PCDHA9: variants seen among roughly 807,000 people sequenced by gnomAD.
The protein encoded by PCDHA9 is protocadherin alpha 9, also known as protocadherin alpha-9.
PCDHA9 carries 62 observed loss-of-function variants against 62.0 expected under a neutral mutation model. The observed-to-expected ratio is 1.00, with a 90% CI of 0.81 to 1.23. PCDHA9 has a LOEUF of 1.23. PCDHA9 is among the 50% of genes most tolerant of loss of function. The pLI, the probability that PCDHA9 is intolerant of heterozygous loss-of-function variation, is 0.00. For missense variants in PCDHA9, 1,205 were observed against 1,249.8 expected, an observed-to-expected ratio of 0.96 and a Z score of 0.54; for synonymous variants, 557 against 567.6, an observed-to-expected ratio of 0.98 and a Z score of 0.27.
Position 140,967,394 on chromosome 5 carries a change from G to C in PCDHA9, c.2395-11555G>C, listed in dbSNP as rs1379450273. On this transcript the variant is annotated intron_variant, in intron 1 of 3. Coordinates refer to ENST00000532602, the MANE Select transcript of PCDHA9 (RefSeq NM_031857.2). ...GGAGAACAGTAAAGTGCTTGAGCTGGTGCTGCGTAAGGGCCTAGACCGGGA... is the reference window on the plus strand; with the variant it reads ...GGAGAACAGTAAAGTGCTTGAGCTGCTGCTGCGTAAGGGCCTAGACCGGGA... 4 of 1,609,940 alleles carry C rather than the reference G, an allele frequency of 2.5e-6. No homozygotes were observed. In the African/African-American group the frequency reaches 4.0e-5, roughly 16 times the overall value.
intron 3 of PCDHA9, among the ~76,000 whole-genome samples, chr5:141,002,612 C>G (rs1487847560): frequency 1.3e-5 from 2 of 152,178 alleles, no homozygotes; most frequent in Non-Finnish European, 2.9e-5. Context: ...AAAACAGACA[C>G]ATAACACAGA....
intron 1 of PCDHA9, chr5:140,853,229 A>G (rs2042677990): frequency 2.0e-6 from 2 of 981,308 alleles, no homozygotes; most frequent in Admixed American, 1.3e-4. Flanking sequence ...TTGGTAATTT[A>G]GTCCTTCATA....
intron 3 of PCDHA9, among the ~76,000 whole-genome samples, chr5:140,989,450 T>C (rs1299416259): frequency 6.6e-6 from 1 of 152,208 alleles, no homozygotes; most frequent in Admixed American, 6.5e-5. Context: ...TTGTTTAGAA[T>C]TGTTAGGCTT....
chr5:140,966,862 G>C lies in PCDHA9; in HGVS notation c.2395-12087G>C, dbSNP rs782810195. On this transcript the variant is annotated intron_variant, in intron 1 of 3. Transcript: ENST00000532602. ...TGCTACTGCCTCTCCTGCTGCTGTTGCTGCTGCTGCTACCTGGCCCTGCGG... is the reference window on the plus strand; with the variant it reads ...TGCTACTGCCTCTCCTGCTGCTGTTCCTGCTGCTGCTACCTGGCCCTGCGG... The C allele has an allele frequency of 1.2e-5, 18 of 1,562,198 alleles. No individual in the cohort carries two copies. Among genetic ancestry groups the C allele is most frequent in the Non-Finnish European group, 1.5e-5 (18 of 1,164,444 alleles).
intron 1 of PCDHA9, among the ~76,000 whole-genome samples, chr5:140,914,941 T>C (rs1554196635): frequency 6.9e-6 from 1 of 145,614 alleles, no homozygotes; most frequent in Non-Finnish European, 1.5e-5. Flanking sequence ...TGTGAAAAGT[T>C]GTCTTTTTTT....
intron 1 of PCDHA9, chr5:140,871,575 A>C (rs974047385): frequency 1.4e-6 from 2 of 1,477,482 alleles, no homozygotes; most frequent in Non-Finnish European, 1.8e-6. Flanking sequence ...GGATTTTTTA[A>C]GGGAAAGTTT....
intron 1 of PCDHA9, chr5:140,875,319 A>T: frequency 7.0e-7 from 1 of 1,428,968 alleles, no homozygotes; most frequent in South Asian, 1.6e-5. Context: ...CATTCCAATC[A>T]TTCACGGAAT....
intron 3 of PCDHA9, among the ~76,000 whole-genome samples, chr5:141,002,749 A>G (rs2098093412): frequency 1.3e-5 from 2 of 152,202 alleles, no homozygotes; most frequent in South Asian, 4.1e-4. Flanking sequence ...TACATCGACA[A>G]CCCTGTGATG....
In PCDHA9 at chr5:140,848,599, T is replaced by C. The variant is rs2150414040; in HGVS notation, c.104T>C (p.Val35Ala). The C allele has an allele frequency of 6.3e-7, 1 of 1,593,694 alleles. No homozygotes were observed. Among genetic ancestry groups the C allele is most frequent in the Non-Finnish European group, 8.6e-7 (1 of 1,164,042 alleles). ...GGGAGCGGCCAGCTCCACTACTCCG[T>C]CCCGGAGGAAGCCGAACACGGCACC... The part of the protein sequence containing the change: ...VVGSGQLHYS[V>A]PEEAEHGTFV... Residue 35 changes from valine (V) to alanine (A), a missense_variant, in exon 1 of 4, where the codon GTC becomes GCC. This residue lies in a region of PCDHA9 where 208 missense variants were observed against 213.2 expected (regional missense o/e 0.98). Coordinates refer to ENST00000532602, the MANE Select transcript of PCDHA9 (RefSeq NM_031857.2).
intron 1 of PCDHA9, chr5:140,926,987 G>T: frequency 6.2e-7 from 1 of 1,610,996 alleles, no homozygotes; most frequent in African/African-American, 1.3e-5. Context: ...GAGACGGAGC[G>T]GGGCGTAGCC....
intron 1 of PCDHA9, chr5:140,877,160 C>G: frequency 6.2e-7 from 1 of 1,613,814 alleles, no homozygotes; most frequent in Non-Finnish European, 8.5e-7. Flanking sequence ...GACAACGCGC[C>G]GGCACTGCTG....
intron 1 of PCDHA9, chr5:140,858,002 G>C (rs782820218): frequency 6.3e-7 from 1 of 1,596,914 alleles, no homozygotes; most frequent in Admixed American, 1.7e-5. Flanking sequence ...GCTGGTGAAG[G>C]ACCATGGCGA....
Position 140,911,260 on chromosome 5 carries a change from A to G in PCDHA9, c.2394+60371A>G, listed in dbSNP as rs1178961396. On this transcript the variant is annotated intron_variant, in intron 1 of 3. Transcript: ENST00000532602. ...AAAAAAAGTTTCATCAGAATTTATA[A>G]TCTCAGTGTCCCCAGCTTCATCAGG... is the stretch of plus-strand genomic sequence containing the variant. Among the ~76,000 whole-genome samples, 8 of 152,222 alleles carry G rather than the reference A, an allele frequency of 5.3e-5. 1 individual carries two copies. The highest frequency in any genetic ancestry group is 1.9e-4 in the African/African-American group (8 of 41,520).
chr5:140,927,412 G>A, intron 1 of PCDHA9: 1 of 1,614,122 alleles, frequency 6.2e-7, no homozygotes, highest in African/African-American at 1.3e-5. Context: ...CCTGGACATG[G>A]GATCGCGGGT....
At chr5:140,859,562 C>A in intron 1 of PCDHA9, 1 of 176,644 alleles carries the variant, frequency 5.7e-6, no homozygotes, top group Non-Finnish European at 1.2e-5. Flanking sequence ...ACACCAATGC[C>A]ATGAATTTGT....
chr5:140,929,074 G>T, intron 1 of PCDHA9: 2 of 1,614,182 alleles, frequency 1.2e-6, no homozygotes, highest in South Asian at 2.2e-5. Flanking sequence ...TCTGAGGTAT[G>T]GAAGTAAGAT....
intron 1 of PCDHA9, among the ~76,000 whole-genome samples, chr5:140,951,147 AATATAGT>A (rs1554219760): frequency 9.9e-6 from 1 of 100,716 alleles, no homozygotes; most frequent in African/African-American, 4.8e-5. Flanking sequence ...TATCTTATTG[AATATAGT>A]TATAGTAGCT....
chr5:140,991,968 C>A (rs80040458), intron 3 of PCDHA9, among the ~76,000 whole-genome samples: 1,562 of 151,686 alleles, frequency 0.01, 27 homozygotes, highest in African/African-American at 0.036. Context: ...TTTGGTGGGG[C>A]CATTATTCTG....
At chr5:140,896,673 G>A (rs962137649) in intron 1 of PCDHA9, among the ~76,000 whole-genome samples, 12 of 152,000 alleles carry the variant, frequency 7.9e-5, no homozygotes, top group Admixed American at 2.6e-4. Context: ...CACTGTGCCC[G>A]GCCCTTTGCC....
Sources: allele counts gnomAD v4.1 joint callset (sites outside exome capture counted in the v4.1 genomes callset), GRCh38; gene constraint gnomAD v4.1.1; regional missense constraint gnomAD v4.1.1; transcripts MANE v1.5; gene names NCBI Gene and HGNC (gene_info 2026-07-23, HGNC 2026-07-21).